The following CASP6 variants were observed in gnomAD, a reference collection of about 807,000 sequenced individuals.
The protein encoded by CASP6 is caspase-6.
Under a neutral mutation model 31.8 loss-of-function variants are expected in CASP6, and 20 were observed. That is an observed-to-expected ratio of 0.63 (90% CI 0.44 to 0.91). The LOEUF (loss-of-function observed/expected upper bound fraction) is 0.91, where lower values mean the gene tolerates loss of function less well. Ranked by LOEUF, CASP6 falls within the 40% of genes least tolerant of loss-of-function variation. The pLI is 0.00. For synonymous variants in CASP6, 130 were observed against 127.8 expected (o/e 1.02, Z -0.12); for missense variants, 328 against 361.1 (o/e 0.91, Z 0.74).
At chr4:109,665,594 A>G in the CASP6 span, among the ~76,000 whole-genome samples, 2 of 152,202 alleles carry the variant, frequency 1.3e-5, no homozygotes, top group Non-Finnish European at 2.9e-5. Context: ...AAATCTCTAG[A>G]TTACTTACAA....
Position 109,688,794 on chromosome 4 carries a change from A to G in CASP6, c.*536T>C, listed in dbSNP as rs2126154722. 1 of 151,856 alleles carries G rather than the reference A, an allele frequency of 6.6e-6. No individual in the cohort carries two copies. The highest frequency in any genetic ancestry group is 2.4e-5 in the African/African-American group (1 of 41,414). The allele number at this position is 151,856 out of a possible 1,614,324, so 9.4% of individuals were successfully genotyped here. A position where few individuals can be genotyped will look rare whatever the true frequency, so the allele number is the denominator to read the frequency against. On this transcript the variant is annotated 3_prime_UTR_variant, in exon 7 of 7. Transcript: ENST00000265164. ...TAAAAAATAATACAAATGCTTATAA[A>G]TTTTTATTTATCTAATTTCCTGAGG...
downstream of CASP6, chr4:109,687,801 T>G: frequency 1.8e-6 from 1 of 544,896 alleles, no homozygotes; most frequent in Non-Finnish European, 3.2e-6. Context: ...TATGCGTCTA[T>G]CAAAGCAACG....
In CASP6 at chr4:109,694,092, G is replaced by C. The variant is rs561607575; in HGVS notation, c.483+433C>G. Among the ~76,000 whole-genome samples, 6 of 152,244 alleles carry C rather than the reference G, an allele frequency of 3.9e-5. No individual in the cohort carries two copies. In the South Asian group the frequency reaches 1.0e-3, roughly 26 times the overall value. On this transcript the variant is annotated intron_variant, in intron 5 of 6. Coordinates refer to ENST00000265164, the MANE Select transcript of CASP6 (RefSeq NM_001226.4). ...CGGGGAAACAATCTTGGTTTAAGGG[G>C]CAATGTGAAAGGGATGAGACAGGAT...
At chr4:109,695,495 G>A (rs112377283) in intron 4 of CASP6, among the ~76,000 whole-genome samples, 11 of 152,182 alleles carry the variant, frequency 7.2e-5, no homozygotes, top group Non-Finnish European at 1.2e-4. Flanking sequence ...AGTGGCTCAC[G>A]CCTGGAATCC....
downstream of CASP6, among the ~76,000 whole-genome samples, chr4:109,687,329 T>G (rs556483911): frequency 6.6e-6 from 1 of 152,204 alleles, no homozygotes; most frequent in Non-Finnish European, 1.5e-5. Context: ...ACTGCACTCC[T>G]GCCTGGGTGA....
At chr4:109,668,063 ATC>A in the CASP6 span, among the ~76,000 whole-genome samples, 2 of 151,586 alleles carry the variant, frequency 1.3e-5, no homozygotes, top group Non-Finnish European at 2.9e-5. Context: ...CTTCATTGTG[ATC>A]TGTCTTGATG....
At chr4:109,684,770 A>G (rs1579100985), downstream of CASP6, 1 of 594,674 alleles carries the variant, frequency 1.7e-6, no homozygotes, top group East Asian at 2.8e-5. Context: ...ATGAGCTGGT[A>G]AATTTTTTAT....
At chr4:109,688,211 ACTTTCT>A (rs1420994876), downstream of CASP6, 6 of 152,286 alleles carry the variant, frequency 3.9e-5, no homozygotes, top group African/African-American at 1.2e-4. Context: ...AAAACAGTTA[ACTTTCT>A]TCAGCCTCTG....
At chr4:109,697,539 T>C in intron 3 of CASP6, 83 bp downstream of exon 3, 2 of 1,461,938 alleles carry the variant, frequency 1.4e-6, no homozygotes, top group Non-Finnish European at 1.8e-6. Context: ...AGTGCTGGGA[T>C]TACCAGCATG....
the CASP6 span, among the ~76,000 whole-genome samples, chr4:109,673,227 C>A: frequency 4.6e-5 from 7 of 152,214 alleles, no homozygotes; most frequent in East Asian, 1.2e-3. Context: ...ACTTGCTGTT[C>A]TTTGGGTTGC....
chr4:109,676,250 G>T, the CASP6 span, among the ~76,000 whole-genome samples: 1 of 152,106 alleles, frequency 6.6e-6, no homozygotes, highest in African/African-American at 2.4e-5. Flanking sequence ...TAGAAATATC[G>T]ATGGTAGGCT....
At chr4:109,671,706 T>C in the CASP6 span, among the ~76,000 whole-genome samples, 1 of 152,248 alleles carries the variant, frequency 6.6e-6, no homozygotes, top group Admixed American at 6.5e-5. Context: ...ATCTCTGCCA[T>C]ATCAGAGCCT....
At chr4:109,668,820 C>T in the CASP6 span, among the ~76,000 whole-genome samples, 9 of 151,404 alleles carry the variant, frequency 5.9e-5, no homozygotes, top group South Asian at 4.2e-4. Context: ...CTTTTTTTAG[C>T]GGTTGCCTAA....
chr4:109,687,482 CTGATCACA>C (rs755026561), downstream of CASP6: 4 of 1,474,414 alleles, frequency 2.7e-6, no homozygotes, highest in African/African-American at 5.6e-5. Flanking sequence ...TCTCTTCTTT[CTGATCACA>C]TGCTTTTTCT....
At chr4:109,677,481 A>G in the CASP6 span, among the ~76,000 whole-genome samples, 2 of 152,190 alleles carry the variant, frequency 1.3e-5, no homozygotes, top group African/African-American at 2.4e-5. Flanking sequence ...GCAGAATGCT[A>G]TGGTTTGAAT....
At chr4:109,681,476 G>T in the CASP6 span, 1 of 453,610 alleles carries the variant, frequency 2.2e-6, no homozygotes, top group Non-Finnish European at 4.4e-6. Context: ...CTCCCAAGAT[G>T]GTCGTGGGCC....
chr4:109,665,293 A>G, the CASP6 span, among the ~76,000 whole-genome samples: 18 of 152,216 alleles, frequency 1.2e-4, no homozygotes, highest in Non-Finnish European at 2.5e-4. Flanking sequence ...TTTAACATTA[A>G]AAGTGTCTTG....
chr4:109,693,539 T>A (rs1730139957), intron 5 of CASP6, among the ~76,000 whole-genome samples: 1 of 151,686 alleles, frequency 6.6e-6, no homozygotes, highest in African/African-American at 2.4e-5. Flanking sequence ...ATACAAAAAT[T>A]AGCCAGCCAT....
At chr4:109,705,489 A>C (rs995323308), upstream of CASP6, among the ~76,000 whole-genome samples, 1 of 152,198 alleles carries the variant, frequency 6.6e-6, no homozygotes, top group Non-Finnish European at 1.5e-5. Context: ...TCTTATTTAC[A>C]AAATACATTT....
Sources: allele counts gnomAD v4.1 joint callset (sites outside exome capture counted in the v4.1 genomes callset), GRCh38; gene constraint gnomAD v4.1.1; transcripts MANE v1.5; gene names NCBI Gene and HGNC (gene_info 2026-07-23, HGNC 2026-07-21).